Variants in SEC31B observed in about 807,000 individuals in gnomAD.
The protein encoded by SEC31B is SEC31 homolog B, COPII component, also known as protein transport protein Sec31B.
A neutral mutation model predicts 135.0 loss-of-function variants in SEC31B; 113 were observed. That is an observed-to-expected ratio of 0.84 (90% CI 0.72 to 0.98). The LOEUF is 0.98. Among genes scored for constraint, SEC31B ranks in the 50% least tolerant of loss-of-function variants. The pLI, the probability that SEC31B is intolerant of heterozygous loss-of-function variation, is 0.00. For synonymous variants in SEC31B, 508 were observed against 549.4 expected (o/e 0.92, Z 1.05); for missense variants, 1,296 against 1,421.1 (o/e 0.91, Z 1.42).
At position 100,489,779 on chromosome 10, in the gene SEC31B, A is replaced by G. The variant is rs1851264781; in HGVS notation, c.2966-18T>C. On this transcript the variant is annotated intron_variant, in intron 21 of 25. Coordinates refer to ENST00000370345, the MANE Select transcript of SEC31B (RefSeq NM_015490.4). ...TTGAGGTCCTATAGAATAAAAAGATAGAGGTTTTTCGGCGCATAGTGAAAA... is the reference window on the plus strand; with the variant it reads ...TTGAGGTCCTATAGAATAAAAAGATGGAGGTTTTTCGGCGCATAGTGAAAA... The G allele has an allele frequency of 6.2e-7, 1 of 1,613,756 alleles. No individual in the cohort carries two copies. Among genetic ancestry groups the G allele is most frequent in the Non-Finnish European group, 8.5e-7 (1 of 1,179,942 alleles).
In SEC31B at chr10:100,487,651, C is replaced by A. The variant is rs2298075; in HGVS notation, c.3505G>T (p.Ala1169Ser). 357,095 of 1,612,572 alleles carry A rather than the reference C, an allele frequency of 0.22. 40,335 individuals carry two copies. The highest frequency in any genetic ancestry group is 0.23 in the South Asian group (20,945 of 90,816). ...EVSSFMPILK[A>S]VLIIAHKLLV The stretch of plus-strand genomic sequence containing the variant: ...AGCTTATGAGCGATGATGAGGACAG[C>A]CTTCAGGATAGGCATGAAGCTGGAC... Residue 1169 changes from alanine to serine, a missense_variant, in exon 26 of 26, where the codon GCT becomes TCT. Ala to Ser is a moderately conservative substitution (Grantham distance 99). Coordinates refer to ENST00000370345, the MANE Select transcript of SEC31B (RefSeq NM_015490.4).
intron 19 of SEC31B, among the ~76,000 whole-genome samples, chr10:100,493,188 A>G (rs1022561562): frequency 1.3e-5 from 2 of 152,142 alleles, no homozygotes; most frequent in African/African-American, 2.4e-5. Flanking sequence ...CCTGGCTAAC[A>G]TGGTGAAACC....
chr10:100,516,103 A>T lies in SEC31B; in HGVS notation c.196T>A (p.Leu66Met), dbSNP rs1005281722. ...DLKHRGVLSA[L>M]SRFHKLVWGS... is the part of the protein sequence containing the mutation. ...CAATAGATCAGACAATACCTGCTCA[A>T]GGCAGAAAGGACTCCTCTGTGTTTC... The change falls in exon 3 of 26, where the codon TTG becomes ATG. Residue 66 changes from leucine (L) to methionine (M), a missense_variant. By Grantham distance (15) the Leu-to-Met change is conservative. Coordinates refer to ENST00000370345, the MANE Select transcript of SEC31B (RefSeq NM_015490.4). 6.2e-7 allele frequency: 1 copy of T among 1,614,122 alleles called. No homozygotes were observed. Among genetic ancestry groups the T allele is most frequent in the Admixed American group, 1.7e-5 (1 of 60,012 alleles).
At chr10:100,499,082 G>T (rs1236542920) in intron 13 of SEC31B, 78 bp downstream of exon 13, 3 of 1,154,964 alleles carry the variant, frequency 2.6e-6, no homozygotes, top group Non-Finnish European at 3.9e-6. Flanking sequence ...GCAAAGAAAA[G>T]GGCCAGGAAG....
chr10:100,511,284 A>G (rs1481732869), intron 3 of SEC31B, among the ~76,000 whole-genome samples: 2 of 152,268 alleles, frequency 1.3e-5, no homozygotes, highest in Non-Finnish European at 2.9e-5. Flanking sequence ...GATAGAGAGC[A>G]AACCTGGGCG....
At chr10:100,513,482 T>C (rs1180664359) in intron 3 of SEC31B, among the ~76,000 whole-genome samples, 2 of 152,152 alleles carry the variant, frequency 1.3e-5, no homozygotes, top group Admixed American at 1.3e-4. Flanking sequence ...TTTTTCTTTT[T>C]TTTAGGCAGG....
At chr10:100,489,098 G>A (rs754981202) in intron 23 of SEC31B, 124 bp from the exon 24 acceptor site, 46 of 1,464,372 alleles carry the variant, frequency 3.1e-5, no homozygotes, top group Middle Eastern at 2.0e-4. Context: ...TTGGGGAGAT[G>A]AGCAGCCTCC....
Position 100,498,773 on chromosome 10 carries a change from G to A in SEC31B, c.1616C>T (p.Ala539Val). 1 of 1,613,958 alleles carries A rather than the reference G, an allele frequency of 6.2e-7. No individual in the cohort carries two copies. Among genetic ancestry groups the A allele is most frequent in the Non-Finnish European group, 8.5e-7 (1 of 1,179,878 alleles). Residue 539 changes from alanine to valine, a missense_variant, in exon 14 of 26, where the codon GCT (alanine) becomes GTT (valine). By Grantham distance (64) the Ala-to-Val change is moderately conservative (BLOSUM62 0). Transcript: ENST00000370345. The part of the protein sequence containing the change: ...ASKHTTKEAS[A>V]SSAFFDELVP... ...CAGCTCATCAAAGAAGGCTGAGGAA[G>A]CAGAGGCTTCCTTTGTGGTGTGTTT...
At chr10:100,518,803 T>G (rs1851894070) in intron 1 of SEC31B, among the ~76,000 whole-genome samples, 1 of 152,232 alleles carries the variant, frequency 6.6e-6, no homozygotes, top group Non-Finnish European at 1.5e-5. Context: ...CTAAGGTACT[T>G]TCTAGCGTGA....
In SEC31B at chr10:100,490,162, G is replaced by C. The variant is rs756931773; in HGVS notation, c.2811C>G (p.Phe937Leu). 4.4e-6 allele frequency: 7 copies of C among 1,601,762 alleles called. No homozygotes were observed. The highest frequency in any genetic ancestry group is 1.7e-4 in the Middle Eastern group (1 of 5,988). ...CTAGTGGTCTCAGAGGAAGCAGAGG[G>C]AACAGTCTAGGAGTCTCAGGCAGGG... The part of the protein sequence containing the change: ...STSLPETPRL[F>L]PLLPLRPLGP... The change falls in exon 21 of 26, where the codon TTC becomes TTG. Residue 937 changes from phenylalanine (F) to leucine (L), a missense_variant. Physicochemically the swap from Phe to Leu is conservative, Grantham distance 22. Coordinates refer to ENST00000370345, the MANE Select transcript of SEC31B (RefSeq NM_015490.4).
intron 24 of SEC31B, among the ~76,000 whole-genome samples, 188 bp from the exon 25 acceptor site, chr10:100,488,286 C>T (rs1311280939): frequency 5.3e-5 from 8 of 152,032 alleles, no homozygotes; most frequent in South Asian, 2.1e-4. Context: ...GGTGAAACCC[C>T]GTCTCCATTA....
At chr10:100,491,312 T>A (rs931584615) in intron 19 of SEC31B, among the ~76,000 whole-genome samples, 1 of 152,234 alleles carries the variant, frequency 6.6e-6, no homozygotes, top group African/African-American at 2.4e-5. Context: ...ATGGTTTCAC[T>A]GGAGAATTTC....
intron 19 of SEC31B, among the ~76,000 whole-genome samples, chr10:100,492,166 G>A (rs529352887): frequency 2.6e-4 from 39 of 152,302 alleles, no homozygotes; most frequent in Middle Eastern, 3.4e-3. Flanking sequence ...GCTTAATGCT[G>A]AAATATTGAA....
At chr10:100,496,123 T>C in intron 18 of SEC31B, 135 bp downstream of exon 18, 1 of 897,026 alleles carries the variant, frequency 1.1e-6, no homozygotes, top group Non-Finnish European at 1.7e-6. Flanking sequence ...CAGTAGATTG[T>C]GAGGTGCTTA....
In SEC31B at chr10:100,490,712, T is replaced by C. The variant is rs778009464; in HGVS notation, c.2644A>G (p.Arg882Gly). The C allele has an allele frequency of 3.9e-5, 61 of 1,583,730 alleles. No individual in the cohort carries two copies. The highest frequency in any genetic ancestry group is 2.2e-4 in the Middle Eastern group (1 of 4,564). ...IQPLPLSPGV[R>G]PASSQPQLLG... is the part of the protein sequence containing the mutation. ...TCTTCAGTGACTCACTCACCAGGCCTTACCCCAGGGCTCAAAGGCAAAGGC... is the reference window on the plus strand; with the variant it reads ...TCTTCAGTGACTCACTCACCAGGCCCTACCCCAGGGCTCAAAGGCAAAGGC... The change falls in exon 20 of 26, where the codon AGG (arginine) becomes GGG (glycine). Residue 882 changes from arginine (R) to glycine (G), a missense_variant. By Grantham distance (125) the Arg-to-Gly change is moderately radical. Transcript: ENST00000370345.
intron 15 of SEC31B, 105 bp downstream of exon 15, chr10:100,497,922 AAG>A (rs1216951763): frequency 1.3e-6 from 2 of 1,578,634 alleles, no homozygotes; most frequent in Non-Finnish European, 1.7e-6. Flanking sequence ...TTAGAGTAGA[AAG>A]AGAGAGGCAG....
chr10:100,488,458 CA>C (rs5787387), intron 24 of SEC31B, among the ~76,000 whole-genome samples: 38,497 of 97,074 alleles, frequency 0.4, 5,745 homozygotes, highest in African/African-American at 0.52. Flanking sequence ...GACTCCATCT[CA>C]AAAAAAAAAA....
chr10:100,513,245 G>A (rs143040293), intron 3 of SEC31B, among the ~76,000 whole-genome samples: 1 of 152,340 alleles, frequency 6.6e-6, no homozygotes, highest in East Asian at 1.9e-4. Flanking sequence ...CACAGTTACA[G>A]AGGTGGGAAA....
chr10:100,493,385 A>T (rs560955515), intron 19 of SEC31B, among the ~76,000 whole-genome samples: 1 of 152,108 alleles, frequency 6.6e-6, no homozygotes, highest in East Asian at 1.9e-4. Context: ...AAAAAAAAAA[A>T]ATTAAAACCA....
Sources: allele counts gnomAD v4.1 joint callset (sites outside exome capture counted in the v4.1 genomes callset), GRCh38; gene constraint gnomAD v4.1.1; transcripts MANE v1.5; gene names NCBI Gene and HGNC (gene_info 2026-07-23, HGNC 2026-07-21).